MBD5: variants seen among roughly 807,000 people sequenced by gnomAD.
MBD5 encodes methyl-CpG-binding domain protein 5.
MBD5 carries 13 observed loss-of-function variants against 117.3 expected under a neutral mutation model. That is an observed-to-expected ratio of 0.11 (90% CI 0.07 to 0.18). MBD5 has a LOEUF of 0.18. MBD5 is among the 10% of genes least tolerant of loss of function. The probability of loss-of-function intolerance (pLI) is 1.00; values close to 1 mark genes in which losing one functional copy is unlikely to be tolerated. For missense variants in MBD5, 1,879 were observed against 2,093.8 expected, an observed-to-expected ratio of 0.90 and a Z score of 2.00; for synonymous variants, 727 against 766.4, an observed-to-expected ratio of 0.95 and a Z score of 0.85.
intron 3 of MBD5, among the ~76,000 whole-genome samples, chr2:148,248,517 C>CCACAGGTAAAATTTACCCCACAGGT (rs1284916663): frequency 6.6e-6 from 1 of 151,946 alleles, no homozygotes; most frequent in Non-Finnish European, 1.5e-5. Flanking sequence ...AAAATTCCCC[C>CCACAGGTAAAATTTACCCCACAGGT]AAAATATGAA....
chr2:148,067,375 A>T (rs1349805301), intron 1 of MBD5, among the ~76,000 whole-genome samples: 1 of 152,222 alleles, frequency 6.6e-6, no homozygotes, highest in Non-Finnish European at 1.5e-5. Context: ...TTTACAAATT[A>T]TCGTTAGACA....
intron 3 of MBD5, among the ~76,000 whole-genome samples, chr2:148,335,710 C>A (rs1702769203): frequency 6.6e-6 from 1 of 151,674 alleles, no homozygotes; most frequent in Admixed American, 6.6e-5. Context: ...CAGAGTGAGA[C>A]CCTGTCTTAA....
intron 3 of MBD5, among the ~76,000 whole-genome samples, chr2:148,292,959 C>T (rs769631947): frequency 6.6e-6 from 1 of 151,584 alleles, no homozygotes; most frequent in Non-Finnish European, 1.5e-5. Context: ...ATGCTAAGTG[C>T]AATAAGCCAG....
chr2:148,389,250 ACAT>A (rs1466742389), intron 4 of MBD5, among the ~76,000 whole-genome samples: 4 of 29,146 alleles, frequency 1.4e-4, no homozygotes, highest in South Asian at 1.8e-3. Flanking sequence ...GGAAAAAAAA[ACAT>A]ATATATATAT....
At chr2:148,333,073 T>A (rs1250167823) in intron 3 of MBD5, among the ~76,000 whole-genome samples, 1 of 152,188 alleles carries the variant, frequency 6.6e-6, no homozygotes, top group Non-Finnish European at 1.5e-5. Flanking sequence ...GAATATTCTT[T>A]TGTTTTTGTT....
chr2:148,117,469 A>G (rs1179147868), intron 1 of MBD5, among the ~76,000 whole-genome samples: 1 of 152,214 alleles, frequency 6.6e-6, no homozygotes, highest in Non-Finnish European at 1.5e-5. Flanking sequence ...ATAATTTCCC[A>G]CATCTCATTT....
intron 4 of MBD5, among the ~76,000 whole-genome samples, chr2:148,446,600 A>ATGTGTG (rs1215172950): frequency 1.1e-3 from 11 of 9,944 alleles, no homozygotes; most frequent in Admixed American, 3.8e-3. Context: ...CAGATTATTT[A>ATGTGTG]TCTGTGTGTG....
intron 2 of MBD5, among the ~76,000 whole-genome samples, chr2:148,215,987 A>G (rs1013370233): frequency 6.6e-6 from 1 of 152,206 alleles, no homozygotes; most frequent in South Asian, 2.1e-4. Flanking sequence ...AAATTATAAC[A>G]GAAAAAAACA....
At chr2:148,363,903 C>T (rs1277825231) in intron 4 of MBD5, among the ~76,000 whole-genome samples, 2 of 152,160 alleles carry the variant, frequency 1.3e-5, no homozygotes, top group African/African-American at 4.8e-5. Flanking sequence ...GAGAATGGAA[C>T]CAAGTTGGAA....
At chr2:148,409,197 C>T (rs1705178052) in intron 4 of MBD5, among the ~76,000 whole-genome samples, 1 of 151,726 alleles carries the variant, frequency 6.6e-6, no homozygotes, top group Non-Finnish European at 1.5e-5. Context: ...CCAATCTGGA[C>T]AACATAGTGA....
At chr2:148,419,487 T>C (rs1258255224) in intron 4 of MBD5, among the ~76,000 whole-genome samples, 2 of 152,148 alleles carry the variant, frequency 1.3e-5, no homozygotes, top group East Asian at 1.9e-4. Flanking sequence ...ATAACTTACT[T>C]TTTTCAGATG....
chr2:148,114,489 C>T (rs1394674371), intron 1 of MBD5, among the ~76,000 whole-genome samples: 1 of 151,978 alleles, frequency 6.6e-6, no homozygotes, highest in Non-Finnish European at 1.5e-5. Context: ...CCAGAGTATT[C>T]CAATTTTAAA....
intron 1 of MBD5, among the ~76,000 whole-genome samples, chr2:148,110,498 G>T (rs908296722): frequency 1.3e-5 from 2 of 152,076 alleles, no homozygotes; most frequent in African/African-American, 4.8e-5. Flanking sequence ...GTGCATCAGA[G>T]CTCCCCTGTT....
At chr2:148,467,414 A>G (rs1680587581) in intron 7 of MBD5, among the ~76,000 whole-genome samples, 1 of 152,136 alleles carries the variant, frequency 6.6e-6, no homozygotes, top group Admixed American at 6.6e-5. Flanking sequence ...GCACTCATGT[A>G]AAAAGAGAAT....
intron 3 of MBD5, among the ~76,000 whole-genome samples, chr2:148,322,619 GT>G (rs1387067222): frequency 1.3e-5 from 2 of 152,050 alleles, no homozygotes; most frequent in African/African-American, 4.8e-5. Context: ...CTCAGTGGCA[GT>G]TTGGAAACTG....
rs1480733222 is a variant in MBD5 at position 148,323,499 on chromosome 2, C to T, written c.-679-18715C>T. Among the ~76,000 whole-genome samples the T allele has an allele frequency of 1.2e-4, 19 of 152,184 alleles. No individual in the cohort carries two copies. The East Asian group carries it at 3.5e-3, about 28-fold the overall frequency. ...TGTTCCTATTTCTCCACATCCTCTC[C>T]AGCACCTGTTGTTTCCTGACTTTTT... On this transcript the variant is annotated intron_variant, in intron 3 of 13. Transcript: ENST00000642680.
chr2:148,371,662 G>A (rs1345840692), intron 4 of MBD5, among the ~76,000 whole-genome samples: 1 of 152,112 alleles, frequency 6.6e-6, no homozygotes, highest in Middle Eastern at 3.2e-3. Context: ...AGAATTTCAA[G>A]TCAAGGCCTG....
intron 4 of MBD5, among the ~76,000 whole-genome samples, chr2:148,429,535 A>G (rs925243816): frequency 6.6e-6 from 1 of 152,180 alleles, no homozygotes. Flanking sequence ...TCCTATAAAG[A>G]CACATGCACA....
intron 4 of MBD5, among the ~76,000 whole-genome samples, chr2:148,397,932 C>T (rs999569825): frequency 8.5e-5 from 13 of 152,056 alleles, no homozygotes; most frequent in Non-Finnish European, 1.9e-4. Flanking sequence ...CGATAGTTTG[C>T]AGAGAATGAT....
Sources: gnomAD v4.1 joint callset for allele counts (sites outside exome capture counted in the v4.1 genomes callset) on GRCh38, gnomAD v4.1.1 for gene constraint, MANE v1.5 for transcripts, NCBI Gene and HGNC (gene_info 2026-07-23, HGNC 2026-07-21) for gene names.